Variants in LDHAL6B observed in about 807,000 individuals in gnomAD.
LDHAL6B encodes L-lactate dehydrogenase A-like 6B.
For missense variants in LDHAL6B, 523 were observed against 473.9 expected (o/e 1.10, Z -0.96); for synonymous variants, 205 against 170.6 (o/e 1.20, Z -1.57).
At position 59,208,499 on chromosome 15, in the gene LDHAL6B, A is replaced by G; in HGVS notation, c.*413A>G. 7 of 704,648 alleles carry G rather than the reference A, an allele frequency of 9.9e-6. No homozygotes were observed. Among genetic ancestry groups the G allele is most frequent in the Non-Finnish European group, 1.2e-5 (5 of 412,350 alleles). The allele number at this position is 704,648 out of a possible 1,614,324, so 43.6% of individuals were successfully genotyped here. ...AGCTTCTTCTACAATGTAAAAATAA[A>G]TGTACATACAAAAAAATGCAGTAGT... On this transcript the variant is annotated 3_prime_UTR_variant, in exon 1 of 1. Coordinates refer to ENST00000307144, the MANE Select transcript of LDHAL6B (RefSeq NM_033195.3).
In LDHAL6B at chr15:59,207,838, G is replaced by T; in HGVS notation, c.898G>T (p.Ala300Ser). ...TAAAATGAAAGGTTATACTTCTTGG[G>T]CCATTGGCCTATCTGTGGCCGATTT... ...IIKMKGYTSWAIGLSVADLTE... is the reference protein window; with the variant it reads ...IIKMKGYTSWSIGLSVADLTE... The change falls in exon 1 of 1, where the codon GCC (alanine) becomes TCC (serine). Residue 300 changes from alanine (A) to serine (S), a missense_variant. Ala to Ser is a moderately conservative substitution (Grantham distance 99, BLOSUM62 1). Transcript: ENST00000307144. 1 of 1,614,184 alleles carries T rather than the reference G, an allele frequency of 6.2e-7. No individual in the cohort carries two copies. The highest frequency in any genetic ancestry group is 8.5e-7 in the Non-Finnish European group (1 of 1,180,032).
rs1566978608 is a variant in LDHAL6B, at chr15:59,207,115, G to A, written c.175G>A (p.Glu59Lys). The A allele has an allele frequency of 1.2e-6, 2 of 1,614,202 alleles. No individual in the cohort carries two copies. Among genetic ancestry groups the A allele is most frequent in the Admixed American group, 1.7e-5 (1 of 60,024 alleles). Reference protein sequence around the residue: ...KMATVKSELIERFTSEKPVHH... With the variant: ...KMATVKSELIKRFTSEKPVHH... The stretch of plus-strand genomic sequence containing the variant: ...GGCGACTGTGAAGAGTGAGCTTATT[G>A]AGCGTTTCACTTCCGAGAAGCCCGT... Residue 59 changes from glutamate (E) to lysine (K), a missense_variant, in exon 1 of 1, where the codon GAG (glutamate) becomes AAG (lysine). Transcript: ENST00000307144.
rs1368253872 is a variant in LDHAL6B, at chr15:59,207,207, A to T, written c.267A>T (p.Leu89Phe). 6.2e-7 allele frequency: 1 copy of T among 1,614,220 alleles called. No homozygotes were observed. Among genetic ancestry groups the T allele is most frequent in the South Asian group, 1.1e-5 (1 of 91,084 alleles). Residue 89 changes from leucine (L) to phenylalanine (F), a missense_variant, in exon 1 of 1, where the codon TTA becomes TTT. By Grantham distance (22) the Leu-to-Phe change is conservative. Coordinates refer to ENST00000307144, the MANE Select transcript of LDHAL6B (RefSeq NM_033195.3). The stretch of plus-strand genomic sequence containing the variant: ...GCATGGCCTGCGCTATCAGCATCTT[A>T]TTAAAAGGCTTGAGTGATGAACTTG... ...SVGMACAISILLKGLSDELAL... is the reference protein window; with the variant it reads ...SVGMACAISIFLKGLSDELAL...
In LDHAL6B at chr15:59,206,979, A is replaced by T. The variant is rs1186973544; in HGVS notation, c.39A>T (p.Arg13Ser). The change falls in exon 1 of 1, where the codon AGA becomes AGT. Residue 13 changes from arginine to serine, a missense_variant. Arg to Ser is a moderately radical substitution (Grantham distance 110). Transcript: ENST00000307144. ...WTVPVVRASQ[R>S]VSSVGANFLC... ...TGCCTGTTGTGCGGGCCAGCCAGAG[A>T]GTGAGCTCGGTGGGAGCGAATTTCC... 2 of 1,614,010 alleles carry T rather than the reference A, an allele frequency of 1.2e-6. No individual in the cohort carries two copies. Among genetic ancestry groups the T allele is most frequent in the African/African-American group, 1.3e-5 (1 of 74,920 alleles).
chr15:59,206,907 C>T lies in LDHAL6B; in HGVS notation c.-34C>T. On this transcript the variant is annotated 5_prime_UTR_variant, in exon 1 of 1. Coordinates refer to ENST00000307144, the MANE Select transcript of LDHAL6B (RefSeq NM_033195.3). ...CAACGTTCGGATCAGCAGCTTTTTT[C>T]CATTCTCTCTCTCCACTTCTTCAGT... 6.3e-7 allele frequency: 1 copy of T among 1,584,506 alleles called. No individual in the cohort carries two copies. The highest frequency in any genetic ancestry group is 1.8e-5 in the Admixed American group (1 of 56,302).
rs1240486826 is a variant in LDHAL6B, at chr15:59,207,835, T to G, written c.895T>G (p.Trp299Gly). Residue 299 changes from tryptophan (W) to glycine (G), a missense_variant, in exon 1 of 1, where the codon TGG becomes GGG. By Grantham distance (184) the Trp-to-Gly change is radical (BLOSUM62 -2). Transcript: ENST00000307144. ...EIIKMKGYTS[W>G]AIGLSVADLT... ...TATTAAAATGAAAGGTTATACTTCT[T>G]GGGCCATTGGCCTATCTGTGGCCGA... The G allele has an allele frequency of 3.1e-6, 5 of 1,614,114 alleles. No homozygotes were observed. Among genetic ancestry groups the G allele is most frequent in the Non-Finnish European group, 3.4e-6 (4 of 1,180,042 alleles).
In LDHAL6B at chr15:59,207,176, C is replaced by T. The variant is rs146343279; in HGVS notation, c.236C>T (p.Ser79Leu). Residue 79 changes from serine (S) to leucine (L), a missense_variant, in exon 1 of 1, where the codon TCG becomes TTG. Physicochemically the swap from Ser to Leu is moderately radical, Grantham distance 145 (BLOSUM62 -2). Coordinates refer to ENST00000307144, the MANE Select transcript of LDHAL6B (RefSeq NM_033195.3). ...HSKVSIIGTG[S>L]VGMACAISIL... The stretch of plus-strand genomic sequence containing the variant: ...AAGGTCTCCATCATAGGAACTGGAT[C>T]GGTGGGCATGGCCTGCGCTATCAGC... 4.3e-6 allele frequency: 7 copies of T among 1,614,066 alleles called. No individual in the cohort carries two copies. The highest frequency in any genetic ancestry group is 2.7e-5 in the African/African-American group (2 of 74,928).
Position 59,207,037 on chromosome 15 carries a change from G to C in LDHAL6B, c.97G>C (p.Ala33Pro), listed in dbSNP as rs1363281521. 6.2e-7 allele frequency: 1 copy of C among 1,614,110 alleles called. No homozygotes were observed. Among genetic ancestry groups the C allele is most frequent in the Non-Finnish European group, 8.5e-7 (1 of 1,180,044 alleles). Residue 33 changes from alanine to proline, a missense_variant, in exon 1 of 1, where the codon GCA becomes CCA. By Grantham distance (27) the Ala-to-Pro change is conservative. Coordinates refer to ENST00000307144, the MANE Select transcript of LDHAL6B (RefSeq NM_033195.3). Reference sequence around the variant, plus strand: ...GGGGATGGCCCTGTGTCCGCGTCAAGCAACGCGCATCCCGCTCAACGGCAC... The same window carrying C: ...GGGGATGGCCCTGTGTCCGCGTCAACCAACGCGCATCCCGCTCAACGGCAC... Reference protein sequence around the residue: ...CLGMALCPRQATRIPLNGTWL... With the variant: ...CLGMALCPRQPTRIPLNGTWL...
Position 59,208,136 on chromosome 15 carries a change from G to A in LDHAL6B, c.*50G>A. 6.8e-7 allele frequency: 1 copy of A among 1,472,014 alleles called. No homozygotes were observed. The highest frequency in any genetic ancestry group is 9.1e-7 in the Non-Finnish European group (1 of 1,101,236). The allele number at this position is 1,472,014 out of a possible 1,614,324, so 91.2% of individuals were successfully genotyped here. On this transcript the variant is annotated 3_prime_UTR_variant, in exon 1 of 1. Coordinates refer to ENST00000307144, the MANE Select transcript of LDHAL6B (RefSeq NM_033195.3). The stretch of plus-strand genomic sequence containing the variant: ...AATTATTGAAGAGATCATAGATACA[G>A]GATTATATAACGAAATTTTGAATAA...
At position 59,206,847 on chromosome 15, in the gene LDHAL6B, T is replaced by G; in HGVS notation, c.-94T>G. On this transcript the variant is annotated 5_prime_UTR_variant, in exon 1 of 1. Coordinates refer to ENST00000307144, the MANE Select transcript of LDHAL6B (RefSeq NM_033195.3). ...CGGGGCACGCGCACCTGCCGTAGAG[T>G]GCTGAAGGTCCTGCCAACGGCTCTC... The G allele has an allele frequency of 1.5e-6, 2 of 1,315,438 alleles. No individual in the cohort carries two copies. Among genetic ancestry groups the G allele is most frequent in the Non-Finnish European group, 1.0e-6 (1 of 963,500 alleles). The allele number at this position is 1,315,438 out of a possible 1,614,324, so 81.5% of individuals were successfully genotyped here. A position where few individuals can be genotyped will look rare whatever the true frequency, so the allele number is the denominator to read the frequency against.
chr15:59,207,757 C>A lies in LDHAL6B; in HGVS notation c.817C>A (p.Pro273Thr). 6.2e-7 allele frequency: 1 copy of A among 1,614,132 alleles called. No homozygotes were observed. Among genetic ancestry groups the A allele is most frequent in the East Asian group, 2.2e-5 (1 of 44,888 alleles). ...CTCTGATATAGGAACTGATAAAGATCCTGAGCAATGGAAAAATGTCCACAA... is the reference window on the plus strand; with the variant it reads ...CTCTGATATAGGAACTGATAAAGATACTGAGCAATGGAAAAATGTCCACAA... ...LNSDIGTDKD[P>T]EQWKNVHKEV... The change falls in exon 1 of 1, where the codon CCT becomes ACT. Residue 273 changes from proline to threonine, a missense_variant. Coordinates refer to ENST00000307144, the MANE Select transcript of LDHAL6B (RefSeq NM_033195.3).
rs781083762 is a variant in LDHAL6B, at chr15:59,207,138, C to T, written c.198C>T (p.Pro66=). The T allele has an allele frequency of 3.2e-5, 51 of 1,614,180 alleles. 1 individual carries two copies. Among genetic ancestry groups the T allele is most frequent in the Middle Eastern group, 3.3e-4 (2 of 6,062 alleles). The change falls in exon 1 of 1, where the codon CCC becomes CCT. Residue 66 remains proline (P), a synonymous_variant. Transcript: ENST00000307144. ...ELIERFTSEK[P]VHHSKVSIIG... is the part of the protein sequence containing the mutation. ...TTGAGCGTTTCACTTCCGAGAAGCCCGTTCATCACAGTAAGGTCTCCATCA... is the reference window on the plus strand; with the variant it reads ...TTGAGCGTTTCACTTCCGAGAAGCCTGTTCATCACAGTAAGGTCTCCATCA...
In LDHAL6B at chr15:59,207,926, T is replaced by A. The variant is rs776911100; in HGVS notation, c.986T>A (p.Leu329His). The stretch of plus-strand genomic sequence containing the variant: ...CCAGTTTCCACCATAATTAAGGGCC[T>A]CTATGGAATAGATGAAGAAGTATTC... ...IHPVSTIIKGLYGIDEEVFLS... is the reference protein window; with the variant it reads ...IHPVSTIIKGHYGIDEEVFLS... The change falls in exon 1 of 1, where the codon CTC (leucine) becomes CAC (histidine). Residue 329 changes from leucine (L) to histidine (H), a missense_variant. Transcript: ENST00000307144. The A allele has an allele frequency of 6.2e-7, 1 of 1,614,140 alleles. No homozygotes were observed.
At position 59,206,857 on chromosome 15, in the gene LDHAL6B, C is replaced by G. The variant is rs1424924143; in HGVS notation, c.-84C>G. Reference sequence around the variant, plus strand: ...GCACCTGCCGTAGAGTGCTGAAGGTCCTGCCAACGGCTCTCTTGGCGTCTC... The same window carrying G: ...GCACCTGCCGTAGAGTGCTGAAGGTGCTGCCAACGGCTCTCTTGGCGTCTC... On this transcript the variant is annotated 5_prime_UTR_variant, in exon 1 of 1. Transcript: ENST00000307144. The G allele has an allele frequency of 7.1e-7, 1 of 1,408,198 alleles. No homozygotes were observed. Among genetic ancestry groups the G allele is most frequent in the East Asian group, 2.4e-5 (1 of 41,098 alleles). The allele number at this position is 1,408,198 out of a possible 1,614,324, so 87.2% of individuals were successfully genotyped here.
chr15:59,207,504 AGTGGAT>A lies in LDHAL6B; in HGVS notation c.565_570del (p.Val189_Asp190del). On this transcript the variant is annotated inframe_deletion, in exon 1 of 1. Coordinates refer to ENST00000307144, the MANE Select transcript of LDHAL6B (RefSeq NM_033195.3). ...GCAAACTGATTATTGTTTCCAATCCAGTGGATATCTTAACTTATGTAGCTTGGAAGT... is the reference window on the plus strand; with the variant it reads ...GCAAACTGATTATTGTTTCCAATCCAATCTTAACTTATGTAGCTTGGAAGT... The A allele has an allele frequency of 6.2e-7, 1 of 1,614,024 alleles. No individual in the cohort carries two copies. Among genetic ancestry groups the A allele is most frequent in the South Asian group, 1.1e-5 (1 of 91,076 alleles).
At position 59,208,246 on chromosome 15, in the gene LDHAL6B, T is replaced by A. The variant is rs1191720159; in HGVS notation, c.*160T>A. On this transcript the variant is annotated 3_prime_UTR_variant, in exon 1 of 1. Coordinates refer to ENST00000307144, the MANE Select transcript of LDHAL6B (RefSeq NM_033195.3). Reference sequence around the variant, plus strand: ...AGTCCTCCAGCTCTTTTATTGAGCATCCACGTGCTGGACGATACTTATTTA... The same window carrying A: ...AGTCCTCCAGCTCTTTTATTGAGCAACCACGTGCTGGACGATACTTATTTA... The A allele has an allele frequency of 9.0e-6, 6 of 666,376 alleles. No individual in the cohort carries two copies. The highest frequency in any genetic ancestry group is 1.5e-5 in the Non-Finnish European group (6 of 399,742). The allele number at this position is 666,376 out of a possible 1,614,324, so 41.3% of individuals were successfully genotyped here.
Position 59,208,569 on chromosome 15 carries a change from C to A in LDHAL6B, c.*483C>A. On this transcript the variant is annotated 3_prime_UTR_variant, in exon 1 of 1. Coordinates refer to ENST00000307144, the MANE Select transcript of LDHAL6B (RefSeq NM_033195.3). ...GCTTCCTTTGATAGTTAATAAATTC[C>A]GTTTGTTGAATCAATAAAATACGGC... The A allele has an allele frequency of 7.6e-7, 1 of 1,317,304 alleles. No individual in the cohort carries two copies. The highest frequency in any genetic ancestry group is 1.1e-6 in the Non-Finnish European group (1 of 914,828). 81.6% of individuals were successfully genotyped at this position (1,317,304 alleles called of 1,614,324 possible). A position where few individuals can be genotyped will look rare whatever the true frequency, so the allele number is the denominator to read the frequency against.
rs1811849203 is a variant in LDHAL6B at position 59,207,148 on chromosome 15, A to G, written c.208A>G (p.Ser70Gly). ...RFTSEKPVHH[S>G]KVSIIGTGSV... ...CACTTCCGAGAAGCCCGTTCATCAC[A>G]GTAAGGTCTCCATCATAGGAACTGG... The change falls in exon 1 of 1, where the codon AGT becomes GGT. Residue 70 changes from serine to glycine, a missense_variant. Ser to Gly is a moderately conservative substitution (Grantham distance 56). Transcript: ENST00000307144. 1 of 1,614,236 alleles carries G rather than the reference A, an allele frequency of 6.2e-7. No individual in the cohort carries two copies.
the LDHAL6B span, chr15:59,206,967 GGCCA>G: frequency 6.2e-7 from 1 of 1,613,868 alleles, no homozygotes; most frequent in Admixed American, 1.7e-5. Context: ...CTGTTGTGCG[GGCCA>G]GCCAGAGAGT....
Sources: allele counts gnomAD v4.1 joint callset, GRCh38; gene constraint gnomAD v4.1.1; transcripts MANE v1.5; gene names NCBI Gene and HGNC (gene_info 2026-07-23, HGNC 2026-07-21).